Variants in CFAP61 observed in about 807,000 individuals in gnomAD.
The protein encoded by CFAP61 is cilia- and flagella-associated protein 61.
In CFAP61, 107 loss-of-function variants were observed where a neutral mutation model predicts 135.6. The ratio of observed to expected loss-of-function variants is 0.79; its 90% CI spans 0.67 to 0.93. The LOEUF is 0.93. CFAP61 is among the 40% of genes least tolerant of loss of function. The pLI, the probability that CFAP61 is intolerant of heterozygous loss-of-function variation, is 0.00. For synonymous variants in CFAP61, 575 were observed against 578.5 expected, an observed-to-expected ratio of 0.99 and a Z score of 0.09; for missense variants, 1,507 against 1,556.2, an observed-to-expected ratio of 0.97 and a Z score of 0.53.
intron 13 of CFAP61, among the ~76,000 whole-genome samples, chr20:20,180,816 T>C (rs560311656): frequency 2.0e-5 from 3 of 152,182 alleles, no homozygotes; most frequent in African/African-American, 4.8e-5. Context: ...CATGGAATAC[T>C]ATGCAGCCAT....
intron 8 of CFAP61, among the ~76,000 whole-genome samples, chr20:20,120,222 G>A (rs1480283758): frequency 5.3e-5 from 8 of 152,076 alleles, no homozygotes; most frequent in African/African-American, 9.7e-5. Flanking sequence ...GAGGTACATC[G>A]TTAAGTTGTT....
chr20:20,334,220 G>A (rs773841306), intron 25 of CFAP61, among the ~76,000 whole-genome samples: 3 of 152,122 alleles, frequency 2.0e-5, no homozygotes, highest in East Asian at 1.9e-4. Context: ...TCTGCCTCCC[G>A]GATTCAAGCA....
At chr20:20,232,847 G>A (rs897931663) in intron 18 of CFAP61, 4 of 152,180 alleles carry the variant, frequency 2.6e-5, no homozygotes, top group East Asian at 1.9e-4. Flanking sequence ...TGGTGTCCCC[G>A]CGACCCTCCG....
rs796521189 is a variant in CFAP61 at position 20,359,685 on chromosome 20, A to ACAACAG, written c.3514-520_3514-519insGCAACA. Reference sequence around the variant, plus strand: ...GTCTCAAAAAGCAAAAAACAAAACAACAACAACAACAAAACAAGTATGATC... The same window carrying ACAACAG: ...GTCTCAAAAAGCAAAAAACAAAACAACAACAGCAACAACAACAAAACAAGTATGATC... On this transcript the variant is annotated intron_variant, in intron 26 of 26. Coordinates refer to ENST00000245957, the MANE Select transcript of CFAP61 (RefSeq NM_015585.4). This position sits in a 1 kb window ranked among gnomAD's most constrained non-coding sequence, Gnocchi z 4.0. 0.048 allele frequency among the ~76,000 whole-genome samples: 2,881 copies of ACAACAG among 59,802 alleles called. 96 individuals are homozygous for ACAACAG. Among genetic ancestry groups the ACAACAG allele is most frequent in the African/African-American group, 0.091 (2,626 of 29,010 alleles). 39.2% of individuals were successfully genotyped at this position (59,802 alleles called of 152,430 possible). A position where few individuals can be genotyped will look rare whatever the true frequency, so the allele number is the denominator to read the frequency against.
At chr20:20,282,027 T>C (rs1416460876) in intron 22 of CFAP61, among the ~76,000 whole-genome samples, 1 of 152,246 alleles carries the variant, frequency 6.6e-6, no homozygotes, top group East Asian at 1.9e-4. Flanking sequence ...CATTTACATT[T>C]GTCAAATTTG....
At chr20:20,208,040 C>T (rs1356557765) in intron 17 of CFAP61, among the ~76,000 whole-genome samples, 1 of 152,210 alleles carries the variant, frequency 6.6e-6, no homozygotes, top group Non-Finnish European at 1.5e-5. Context: ...TCCTTTCCTC[C>T]TGCCCGGCCC....
chr20:20,215,604 G>A (rs1186870485), intron 17 of CFAP61, among the ~76,000 whole-genome samples: 1 of 152,098 alleles, frequency 6.6e-6, no homozygotes, highest in African/African-American at 2.4e-5. Context: ...TAGTTTAATT[G>A]CAATCATCAC....
At chr20:20,228,836 G>A (rs1035421445) in intron 18 of CFAP61, among the ~76,000 whole-genome samples, 1 of 152,202 alleles carries the variant, frequency 6.6e-6, no homozygotes, top group Admixed American at 6.5e-5. Flanking sequence ...ATTTGTTAAA[G>A]ATGTAGATTC....
In CFAP61 at chr20:20,298,232, C is replaced by T; in HGVS notation, c.3268C>T (p.His1090Tyr). ...SAKNGTYFRIHINKYKMVETI... is the reference protein window; with the variant it reads ...SAKNGTYFRIYINKYKMVETI... ...GAAAAATGGGACTTACTTCCGAATT[C>T]ATATTAACAAGTATAAAATGGTGGA... Residue 1090 changes from histidine to tyrosine, a missense_variant, in exon 25 of 27, where the codon CAT (histidine) becomes TAT (tyrosine). By Grantham distance (83) the His-to-Tyr change is moderately conservative. Coordinates refer to ENST00000245957, the MANE Select transcript of CFAP61 (RefSeq NM_015585.4). 1 of 1,614,098 alleles carries T rather than the reference C, an allele frequency of 6.2e-7. No individual in the cohort carries two copies. The highest frequency in any genetic ancestry group is 8.5e-7 in the Non-Finnish European group (1 of 1,179,992).
At position 20,064,905 on chromosome 20, in the gene CFAP61, G is replaced by C. The variant is rs1169263122; in HGVS notation, c.144-5949G>C. ...GGGTAATCTGAAGGAAGAAAAATAA[G>C]GTGGAGAGGCTTGCCAACTAAAGGT... On this transcript the variant is annotated intron_variant, in intron 2 of 26. Coordinates refer to ENST00000245957, the MANE Select transcript of CFAP61 (RefSeq NM_015585.4). 4.6e-5 allele frequency among the ~76,000 whole-genome samples: 7 copies of C among 152,252 alleles called. No individual in the cohort carries two copies. The East Asian group carries it at 1.4e-3, about 29-fold the overall frequency.
intron 24 of CFAP61, among the ~76,000 whole-genome samples, chr20:20,296,347 C>CCTTG (rs1269684373): frequency 1.2e-5 from 1 of 83,686 alleles, no homozygotes; most frequent in Non-Finnish European, 2.4e-5. Context: ...TTCCTTGCTT[C>CCTTG]CTTCCTTCTT....
At chr20:20,248,018 T>C (rs1022423621) in intron 19 of CFAP61, among the ~76,000 whole-genome samples, 5 of 152,226 alleles carry the variant, frequency 3.3e-5, no homozygotes, top group African/African-American at 1.2e-4. Context: ...CCTTCAACTA[T>C]AATATAAACA....
At chr20:20,302,454 G>C (rs1351986106) in intron 25 of CFAP61, among the ~76,000 whole-genome samples, 1 of 152,184 alleles carries the variant, frequency 6.6e-6, no homozygotes, top group Non-Finnish European at 1.5e-5. Flanking sequence ...CTAAAATTGG[G>C]AGTTCAGGAC....
At chr20:20,355,879 G>C (rs1602172081) in intron 26 of CFAP61, among the ~76,000 whole-genome samples, 10 of 146,936 alleles carry the variant, frequency 6.8e-5, no homozygotes, top group South Asian at 2.2e-4. Flanking sequence ...ACACTGTGAG[G>C]GGAGGTGGTC....
chr20:20,073,244 G>T (rs946127514), intron 3 of CFAP61, among the ~76,000 whole-genome samples: 30 of 152,352 alleles, frequency 2.0e-4, no homozygotes, highest in African/African-American at 6.0e-4. Context: ...TACACAGCAA[G>T]TACTTGAAAT....
intron 1 of CFAP61, among the ~76,000 whole-genome samples, chr20:20,054,776 T>C (rs761193157): frequency 2.0e-5 from 3 of 152,264 alleles, no homozygotes; most frequent in African/African-American, 7.2e-5. Flanking sequence ...TTATAGACAG[T>C]CTGTCTTTTG....
chr20:20,286,195 CA>C (rs1309197013), intron 22 of CFAP61, among the ~76,000 whole-genome samples: 1 of 152,144 alleles, frequency 6.6e-6, no homozygotes, highest in East Asian at 1.9e-4. Context: ...ACCACCAAGG[CA>C]GAAGCAGAAC....
At chr20:20,352,176 C>T (rs1226852458) in intron 26 of CFAP61, among the ~76,000 whole-genome samples, 1 of 152,104 alleles carries the variant, frequency 6.6e-6, no homozygotes, top group Non-Finnish European at 1.5e-5. Flanking sequence ...ACCTTCTTCT[C>T]AAGGTGGCAG....
chr20:20,355,680 G>C (rs1299979295), intron 26 of CFAP61, among the ~76,000 whole-genome samples: 1 of 147,550 alleles, frequency 6.8e-6, no homozygotes, highest in Non-Finnish European at 1.5e-5. Flanking sequence ...ACACTAAGGG[G>C]AGGTGGTCAC....
Sources: allele counts gnomAD v4.1 joint callset (sites outside exome capture counted in the v4.1 genomes callset), GRCh38; gene constraint gnomAD v4.1.1; non-coding constraint Gnocchi (gnomAD v3.1); transcripts MANE v1.5; gene names NCBI Gene and HGNC (gene_info 2026-07-23, HGNC 2026-07-21).